Variants in CNTN4 observed in about 807,000 individuals in gnomAD.
The protein encoded by CNTN4 is contactin-4.
Under a neutral mutation model 122.5 loss-of-function variants are expected in CNTN4, and 77 were observed. That is an observed-to-expected ratio of 0.63 (90% confidence interval 0.52 to 0.76). CNTN4 has a LOEUF of 0.76. Ranked by LOEUF, CNTN4 falls within the 30% of genes least tolerant of loss-of-function variation. The probability of loss-of-function intolerance (pLI) is 0.00; values close to 1 mark genes in which losing one functional copy is unlikely to be tolerated. For synonymous variants in CNTN4, 512 were observed against 447.0 expected, an observed-to-expected ratio of 1.15 and a Z score of -1.83; for missense variants, 1,256 against 1,259.1, an observed-to-expected ratio of 1.00 and a Z score of 0.04.
chr3:2,925,133 A>C (rs535110978), intron 12 of CNTN4, among the ~76,000 whole-genome samples: 67 of 152,330 alleles, frequency 4.4e-4, no homozygotes, highest in African/African-American at 1.6e-3. Context: ...TACACACACA[A>C]ATGTACCTTT....
intron 3 of CNTN4, among the ~76,000 whole-genome samples, chr3:2,539,947 AT>A (rs986864018): frequency 1.3e-4 from 20 of 152,090 alleles, no homozygotes; most frequent in African/African-American, 4.6e-4. Context: ...AGTTATTCCA[AT>A]TTTTTTCCAT....
intron 14 of CNTN4, among the ~76,000 whole-genome samples, chr3:2,996,659 C>T (rs1218987932): frequency 6.6e-6 from 1 of 152,104 alleles, no homozygotes; most frequent in Non-Finnish European, 1.5e-5. Flanking sequence ...TATACTGATT[C>T]AGTTTAATTG....
At chr3:2,104,316 C>T (rs993539738) in intron 2 of CNTN4, among the ~76,000 whole-genome samples, 13 of 151,696 alleles carry the variant, frequency 8.6e-5, no homozygotes, top group African/African-American at 3.2e-4. Context: ...TTTTCATGTG[C>T]TTACTGTCAT....
At chr3:2,627,078 A>T (rs1310018452) in intron 4 of CNTN4, among the ~76,000 whole-genome samples, 1 of 152,224 alleles carries the variant, frequency 6.6e-6, no homozygotes, top group African/African-American at 2.4e-5. Context: ...TTGAGGTAGG[A>T]TATCCAACCA....
chr3:2,417,590 A>G lies in CNTN4; in HGVS notation c.-89+78357A>G, dbSNP rs146291323. 3.7e-3 allele frequency among the ~76,000 whole-genome samples: 566 copies of G among 152,298 alleles called. 4 individuals carry two copies. Among genetic ancestry groups the G allele is most frequent in the African/African-American group, 0.013 (533 of 41,564 alleles). ...AATGAGATTAGAACCTTCAAAACTA[A>G]ACATCCTCTTATGATACAATCCAGC... On this transcript the variant is annotated intron_variant, in intron 3 of 24. Coordinates refer to ENST00000418658, the MANE Select transcript of CNTN4 (RefSeq NM_175607.3).
intron 13 of CNTN4, among the ~76,000 whole-genome samples, chr3:2,979,454 T>C (rs1693753079): frequency 6.6e-6 from 1 of 152,200 alleles, no homozygotes. Flanking sequence ...ATTTTAACTA[T>C]GTTTGGGATT....
intron 3 of CNTN4, among the ~76,000 whole-genome samples, chr3:2,414,446 A>G (rs1575582385): frequency 6.6e-6 from 1 of 152,206 alleles, no homozygotes. Context: ...TGGCATATGT[A>G]TGCATTAAAT....
chr3:2,333,380 A>C (rs573644296), intron 2 of CNTN4, among the ~76,000 whole-genome samples: 7 of 152,240 alleles, frequency 4.6e-5, no homozygotes, highest in Non-Finnish European at 7.3e-5. Context: ...ACTGTTCATT[A>C]GCTTAAATTG....
In CNTN4 at chr3:2,841,315, C is replaced by G. The variant is rs114275781; in HGVS notation, c.454+21734C>G. ...GTAGTTAGAGTTACTACAACCCTAA[C>G]TGAAATTGCCTCATACTGTGACATT... On this transcript the variant is annotated intron_variant, in intron 7 of 24. Coordinates refer to ENST00000418658, the MANE Select transcript of CNTN4 (RefSeq NM_175607.3). The surrounding 1 kb of genome is among the most constrained non-coding windows in gnomAD (Gnocchi z 4.8). 5.7e-3 allele frequency among the ~76,000 whole-genome samples: 863 copies of G among 152,292 alleles called. 9 individuals are homozygous for G. The highest frequency in any genetic ancestry group is 0.02 in the African/African-American group (823 of 41,558).
At chr3:2,314,893 T>C (rs1426438267) in intron 2 of CNTN4, among the ~76,000 whole-genome samples, 1 of 152,068 alleles carries the variant, frequency 6.6e-6, no homozygotes, top group Non-Finnish European at 1.5e-5. Flanking sequence ...ACAGCTTCAG[T>C]GTTAATCAAT....
At chr3:2,499,620 C>G (rs2076543891) in intron 3 of CNTN4, among the ~76,000 whole-genome samples, 2 of 152,052 alleles carry the variant, frequency 1.3e-5, no homozygotes, top group Admixed American at 6.6e-5. Flanking sequence ...CAGTATCACA[C>G]TGTCATGATT....
At chr3:3,000,041 G>C (rs1231539894) in intron 14 of CNTN4, among the ~76,000 whole-genome samples, 2 of 152,134 alleles carry the variant, frequency 1.3e-5, no homozygotes, top group East Asian at 3.8e-4. Flanking sequence ...AGTGTAACAA[G>C]ATACATCTTA....
At chr3:2,703,295 C>G (rs983110773) in intron 4 of CNTN4, among the ~76,000 whole-genome samples, 4 of 152,022 alleles carry the variant, frequency 2.6e-5, no homozygotes, top group African/African-American at 9.7e-5. Context: ...TGTTATGGTA[C>G]AGTATGAGTA....
intron 2 of CNTN4, among the ~76,000 whole-genome samples, chr3:2,181,668 A>C (rs932444516): frequency 2.0e-5 from 3 of 152,100 alleles, no homozygotes; most frequent in African/African-American, 7.2e-5. Flanking sequence ...AAAAAGCCAA[A>C]GTTGCTTTTC....
At chr3:2,518,745 G>A (rs747408005) in intron 3 of CNTN4, among the ~76,000 whole-genome samples, 2 of 152,114 alleles carry the variant, frequency 1.3e-5, no homozygotes, top group Non-Finnish European at 2.9e-5. Flanking sequence ...TTTTGGAAGC[G>A]ATTCTTGAAT....
At chr3:3,017,323 A>G (rs1177095015) in intron 14 of CNTN4, among the ~76,000 whole-genome samples, 2 of 152,248 alleles carry the variant, frequency 1.3e-5, no homozygotes, top group Non-Finnish European at 2.9e-5. Context: ...AGAGAAAAGT[A>G]AATGTGTCTA....
At chr3:2,762,173 A>G (rs2149697963) in intron 6 of CNTN4, among the ~76,000 whole-genome samples, 1 of 152,278 alleles carries the variant, frequency 6.6e-6, no homozygotes, top group Non-Finnish European at 1.5e-5. Flanking sequence ...GAAAAGCGGG[A>G]ATGAAGAGCT....
chr3:2,603,744 T>G (rs906070541), intron 4 of CNTN4, among the ~76,000 whole-genome samples: 1 of 152,212 alleles, frequency 6.6e-6, no homozygotes, highest in African/African-American at 2.4e-5. Context: ...CTCTATCTAC[T>G]GTCATGGGGC....
intron 2 of CNTN4, among the ~76,000 whole-genome samples, chr3:2,121,534 A>T (rs2033783756): frequency 6.6e-6 from 1 of 151,238 alleles, no homozygotes; most frequent in South Asian, 2.1e-4. Flanking sequence ...GTGCACGGGG[A>T]CCCATATCCT....
Sources: allele counts gnomAD v4.1 joint callset (sites outside exome capture counted in the v4.1 genomes callset), GRCh38; gene constraint gnomAD v4.1.1; non-coding constraint Gnocchi (gnomAD v3.1); transcripts MANE v1.5; gene names NCBI Gene and HGNC (gene_info 2026-07-23, HGNC 2026-07-21).